ANXA5: variants seen among roughly 807,000 people sequenced by gnomAD.
The protein encoded by ANXA5 is annexin A5.
Under a neutral mutation model 48.1 loss-of-function variants are expected in ANXA5, and 40 were observed. That is an observed-to-expected ratio of 0.83 (90% CI 0.65 to 1.08). The LOEUF (loss-of-function observed/expected upper bound fraction) is 1.08, where lower values mean the gene tolerates loss of function less well. Among genes scored for constraint, ANXA5 ranks in the 50% least tolerant of loss-of-function variants. The probability of loss-of-function intolerance (pLI) is 0.00; values close to 1 mark genes in which losing one functional copy is unlikely to be tolerated. For missense variants in ANXA5, 357 were observed against 376.8 expected, an observed-to-expected ratio of 0.95 and a Z score of 0.44; for synonymous variants, 113 against 129.1, an observed-to-expected ratio of 0.88 and a Z score of 0.85.
At chr4:121,681,281 CT>C (rs1287493128) in intron 6 of ANXA5, 1 of 155,784 alleles carries the variant, frequency 6.4e-6, no homozygotes, top group African/African-American at 2.4e-5. Context: ...TTAGGTTTCT[CT>C]TCCAAAGTTC....
chr4:121,677,939 GTC>G lies in ANXA5; in HGVS notation c.484_485del (p.Asp162ProfsTer2). 1.9e-6 allele frequency: 3 copies of G among 1,613,614 alleles called. No individual in the cohort carries two copies. The highest frequency in any genetic ancestry group is 2.5e-6 in the Non-Finnish European group (3 of 1,179,644). ...MLVVLLQANR[D>X]PDAGIDEAQV... ...GAGCTTCATCAATTCCAGCATCAGG[GTC>G]TCTGTTAGCCTATGAGAGGTAATAT... is the stretch of plus-strand genomic sequence containing the variant. On this transcript the variant is annotated frameshift_variant, in exon 8 of 13. Coordinates refer to ENST00000296511, the MANE Select transcript of ANXA5 (RefSeq NM_001154.4). LOFTEE classifies it high-confidence loss of function.
intron 6 of ANXA5, 81 bp downstream of exon 6, chr4:121,681,590 T>C: frequency 4.4e-6 from 4 of 918,690 alleles, no homozygotes; most frequent in Non-Finnish European, 7.0e-6. Flanking sequence ...CTCCCATACC[T>C]ACAAAGGACT....
intron 3 of ANXA5, 107 bp downstream of exon 3, chr4:121,686,181 C>T (rs1724886298): frequency 2.3e-6 from 2 of 859,152 alleles, no homozygotes; most frequent in Admixed American, 2.3e-5. Context: ...ATCTCTTCTC[C>T]TACAGATTTC....
chr4:121,696,710 G>T, intron 1 of ANXA5, 86 bp from the exon 2 acceptor site: 5 of 919,538 alleles, frequency 5.4e-6, no homozygotes, highest in Non-Finnish European at 7.3e-6. Context: ...ACCCGGCGGC[G>T]CTCAGACAGC....
At chr4:121,678,616 C>T (rs1413025665) in intron 6 of ANXA5, 122 bp from the exon 7 acceptor site, 21 of 810,572 alleles carry the variant, frequency 2.6e-5, no homozygotes, top group Non-Finnish European at 3.5e-5. Flanking sequence ...AACATAAATT[C>T]CCTCTATTCC....
At position 121,677,833 on chromosome 4, in the gene ANXA5, C is replaced by G; in HGVS notation, c.531+61G>C. 3.6e-6 allele frequency: 5 copies of G among 1,386,288 alleles called. No individual in the cohort carries two copies. In the South Asian group the frequency reaches 4.7e-5, roughly 13 times the overall value. 85.9% of individuals were successfully genotyped at this position (1,386,288 alleles called of 1,614,324 possible). ...CAACATACATTGTGATTTTTCATTA[C>G]CATGAATTATTTCTTCATTTCTACA... On this transcript the variant is annotated intron_variant, in intron 8 of 12. Transcript: ENST00000296511.
chr4:121,676,650 T>A (rs1578441733), intron 8 of ANXA5, among the ~76,000 whole-genome samples: 1 of 122,796 alleles, frequency 8.1e-6, no homozygotes, highest in Non-Finnish European at 1.6e-5. Flanking sequence ...CCAGAGAACG[T>A]GGCAAGAACT....
intron 2 of ANXA5, among the ~76,000 whole-genome samples, chr4:121,694,273 A>G (rs1466962876): frequency 9.8e-6 from 1 of 102,314 alleles, no homozygotes; most frequent in Non-Finnish European, 2.0e-5. Flanking sequence ...AATAAAAAAT[A>G]AATAAAAAAT....
Position 121,671,558 on chromosome 4 carries a change from A to G in ANXA5, c.710T>C (p.Leu237Pro). The G allele has an allele frequency of 6.2e-7, 1 of 1,611,322 alleles. No individual in the cohort carries two copies. The highest frequency in any genetic ancestry group is 8.5e-7 in the Non-Finnish European group (1 of 1,177,566). Residue 237 changes from leucine to proline, a missense_variant, in exon 10 of 13, where the codon CTC becomes CCC. Coordinates refer to ENST00000296511, the MANE Select transcript of ANXA5 (RefSeq NM_001154.4). ...TGTAAATCACCTACCAACAGCAAGG[A>G]GTAGTTGCTCTAAATTGCCAGAAGT... ...RETSGNLEQL[L>P]LAVVKSIRSI... is the part of the protein sequence containing the mutation.
chr4:121,682,405 C>T (rs912476929), intron 5 of ANXA5, among the ~76,000 whole-genome samples: 5 of 151,968 alleles, frequency 3.3e-5, no homozygotes, highest in South Asian at 2.1e-4. Context: ...AGAGATGCAA[C>T]GATATAGCTG....
At chr4:121,672,057 A>C (rs1187583134) in intron 9 of ANXA5, among the ~76,000 whole-genome samples, 2 of 152,206 alleles carry the variant, frequency 1.3e-5, no homozygotes, top group East Asian at 3.8e-4. Context: ...CAAAAAGAAA[A>C]ACCAGAAAGA....
chr4:121,678,094 G>T, intron 7 of ANXA5, 144 bp from the exon 8 acceptor site: 1 of 692,484 alleles, frequency 1.4e-6, no homozygotes, highest in Non-Finnish European at 2.5e-6. Flanking sequence ...ACTATTTCAC[G>T]TTATCATCAC....
At chr4:121,694,846 T>C (rs922759881) in intron 2 of ANXA5, among the ~76,000 whole-genome samples, 8 of 152,370 alleles carry the variant, frequency 5.3e-5, no homozygotes, top group African/African-American at 1.9e-4. Flanking sequence ...GGTGTTATAT[T>C]GTCATAGGGC....
At chr4:121,689,245 C>T (rs890954022) in intron 2 of ANXA5, among the ~76,000 whole-genome samples, 14 of 152,152 alleles carry the variant, frequency 9.2e-5, no homozygotes, top group African/African-American at 3.1e-4. Flanking sequence ...AATGAATAAA[C>T]TCTACAAGTT....
intron 2 of ANXA5, among the ~76,000 whole-genome samples, chr4:121,691,735 CA>C (rs1388550656): frequency 6.6e-6 from 1 of 152,164 alleles, no homozygotes; most frequent in Non-Finnish European, 1.5e-5. Context: ...ACTCCATGTA[CA>C]TACACTAGGG....
At chr4:121,676,681 G>C (rs75451648) in intron 8 of ANXA5, among the ~76,000 whole-genome samples, 5 of 103,770 alleles carry the variant, frequency 4.8e-5, no homozygotes, top group African/African-American at 1.2e-4. Flanking sequence ...GCCTGGGGGC[G>C]GGGGGGGGTA....
At position 121,681,685 on chromosome 4, in the gene ANXA5, T is replaced by C. The variant is rs761136778; in HGVS notation, c.380A>G (p.Gln127Arg). 7 of 1,611,074 alleles carry C rather than the reference T, an allele frequency of 4.3e-6. No individual in the cohort carries two copies. Among genetic ancestry groups the C allele is most frequent in the Non-Finnish European group, 5.9e-6 (7 of 1,177,920 alleles). ...RTPEELRAIKQVYEEEYGSSL... is the reference protein window; with the variant it reads ...RTPEELRAIKRVYEEEYGSSL... ...CAAACATTTACCTTCTTCATAAACT[T>C]GTTTGATGGCTCTCAGTTCTTCAGG... Residue 127 changes from glutamine (Q) to arginine (R), a missense_variant, in exon 6 of 13, where the codon CAA becomes CGA. By Grantham distance (43) the Gln-to-Arg change is conservative (BLOSUM62 1). Coordinates refer to ENST00000296511, the MANE Select transcript of ANXA5 (RefSeq NM_001154.4).
chr4:121,693,765 C>T (rs1725026441), intron 2 of ANXA5, among the ~76,000 whole-genome samples: 1 of 152,142 alleles, frequency 6.6e-6, no homozygotes, highest in African/African-American at 2.4e-5. Flanking sequence ...GCAGCACAGG[C>T]CACGGGTAAA....
chr4:121,670,481 T>C (rs1363926661), intron 10 of ANXA5, among the ~76,000 whole-genome samples: 2 of 152,186 alleles, frequency 1.3e-5, no homozygotes, highest in East Asian at 3.8e-4. Context: ...TTAATATCAA[T>C]GATTCACACA....
Sources: gnomAD v4.1 joint callset for allele counts (sites outside exome capture counted in the v4.1 genomes callset) on GRCh38, gnomAD v4.1.1 for gene constraint, MANE v1.5 for transcripts, NCBI Gene and HGNC (gene_info 2026-07-23, HGNC 2026-07-21) for gene names.